The following PITPNM3 variants were observed in gnomAD, a reference collection of about 807,000 sequenced individuals.
The protein encoded by PITPNM3 is membrane-associated phosphatidylinositol transfer protein 3.
A neutral mutation model predicts 102.0 loss-of-function variants in PITPNM3; 26 were observed. The ratio of observed to expected loss-of-function variants is 0.25; its 90% CI spans 0.19 to 0.35. The LOEUF is 0.35. PITPNM3 is among the 10% of genes least tolerant of loss of function. The probability of loss-of-function intolerance (pLI) is 1.00; values close to 1 mark genes in which losing one functional copy is unlikely to be tolerated. For missense variants in PITPNM3, 1,083 were observed against 1,346.1 expected (o/e 0.80, Z 3.06); for synonymous variants, 578 against 558.6 (o/e 1.03, Z -0.49).
chr17:6,534,343 C>G (rs913200520), intron 2 of PITPNM3, among the ~76,000 whole-genome samples: 1 of 152,202 alleles, frequency 6.6e-6, no homozygotes, highest in African/African-American at 2.4e-5. Flanking sequence ...AATACTCCTG[C>G]CTGACTGTTC....
intron 4 of PITPNM3, among the ~76,000 whole-genome samples, chr17:6,489,335 CG>C (rs1418468413): frequency 6.6e-6 from 1 of 152,058 alleles, no homozygotes; most frequent in Non-Finnish European, 1.5e-5. Context: ...TCCCACCCCC[CG>C]TTAGTCACCC....
At position 6,493,107 on chromosome 17, in the gene PITPNM3, T is replaced by A. The variant is rs374904203; in HGVS notation, c.275-8815A>T. ...GTCGGGTCAATGACAAAGACCTAGG[T>A]CATGTGCCCAAGATCAGTCACATGA... On this transcript the variant is annotated intron_variant, in intron 4 of 19. Transcript: ENST00000262483. 3.3e-5 allele frequency among the ~76,000 whole-genome samples: 5 copies of A among 151,768 alleles called. No individual in the cohort carries two copies. In the East Asian group the frequency reaches 9.7e-4, roughly 29 times the overall value.
intron 3 of PITPNM3, among the ~76,000 whole-genome samples, chr17:6,520,071 A>C (rs1403221791): frequency 6.6e-6 from 1 of 152,242 alleles, no homozygotes; most frequent in African/African-American, 2.4e-5. Flanking sequence ...TAAGAAATTC[A>C]GAGGAAAGAA....
intron 4 of PITPNM3, among the ~76,000 whole-genome samples, chr17:6,500,723 T>C (rs1202339362): frequency 6.6e-6 from 1 of 152,034 alleles, no homozygotes; most frequent in Non-Finnish European, 1.5e-5. Flanking sequence ...TTGCCCAGGC[T>C]GGAGTGCAAT....
rs762530328 is a variant in PITPNM3 at position 6,471,332 on chromosome 17, G to GGCA, written c.1452_1453insTGC (p.Ser484_Pro485insCys). 8.1e-6 allele frequency: 13 copies of GGCA among 1,605,004 alleles called. No individual in the cohort carries two copies. The East Asian group carries it at 2.9e-4, about 36-fold the overall frequency. ...CGGGAGCTGCCCTCCAGGAAGAGGG[G>GGCA]GCTGTGGGTGTGTAGGGCATCAGCT... On this transcript the variant is annotated inframe_insertion, in exon 12 of 20. Coordinates refer to ENST00000262483, the MANE Select transcript of PITPNM3 (RefSeq NM_031220.4).
In PITPNM3 at chr17:6,478,997, G is replaced by A. The variant is rs749196967; in HGVS notation, c.588-261C>T. 1.4e-4 allele frequency: 78 copies of A among 541,306 alleles called. No individual in the cohort carries two copies. Among genetic ancestry groups the A allele is most frequent in the Non-Finnish European group, 2.5e-4 (74 of 301,916 alleles). The allele number at this position is 541,306 out of a possible 1,614,324, so 33.5% of individuals were successfully genotyped here. ...TGTGGGCCCTGGGGTCCCTGTGACTGCAGTCTCTATTGCCCTCTTCTGCAT... is the reference window on the plus strand; with the variant it reads ...TGTGGGCCCTGGGGTCCCTGTGACTACAGTCTCTATTGCCCTCTTCTGCAT... On this transcript the variant is annotated intron_variant, in intron 6 of 19. Coordinates refer to ENST00000262483, the MANE Select transcript of PITPNM3 (RefSeq NM_031220.4). The surrounding 1 kb of genome is among the most constrained non-coding windows in gnomAD (Gnocchi z 4.4).
intron 4 of PITPNM3, among the ~76,000 whole-genome samples, chr17:6,495,346 G>C (rs1016309907): frequency 6.6e-6 from 1 of 152,124 alleles, no homozygotes; most frequent in Non-Finnish European, 1.5e-5. Context: ...GGGAAGGTTT[G>C]TGGCAGAGCT....
At chr17:6,497,483 G>A (rs968263716) in intron 4 of PITPNM3, among the ~76,000 whole-genome samples, 14 of 152,220 alleles carry the variant, frequency 9.2e-5, no homozygotes, top group African/African-American at 3.4e-4. Flanking sequence ...TCAGTTGGTG[G>A]CTAGGAGAGA....
intron 3 of PITPNM3, among the ~76,000 whole-genome samples, chr17:6,511,769 G>A (rs557193692): frequency 1.1e-4 from 16 of 152,224 alleles, no homozygotes; most frequent in African/African-American, 2.2e-4. Context: ...GGATCATGAG[G>A]TCAGGAGTTT....
intron 3 of PITPNM3, among the ~76,000 whole-genome samples, chr17:6,521,581 G>A (rs1005323783): frequency 6.6e-6 from 1 of 151,176 alleles, no homozygotes; most frequent in African/African-American, 2.4e-5. Context: ...CACGCTTCTG[G>A]GTGTTCAGCT....
intron 14 of PITPNM3, among the ~76,000 whole-genome samples, chr17:6,465,929 C>G (rs1401367439): frequency 6.6e-6 from 1 of 152,198 alleles, no homozygotes; most frequent in Non-Finnish European, 1.5e-5. Context: ...GAGCTCCTTC[C>G]TCAAAGGCAG....
In PITPNM3 at chr17:6,463,753, G is replaced by A. The variant is rs756069272; in HGVS notation, c.2285C>T (p.Pro762Leu). Residue 762 changes from proline (P) to leucine (L), a missense_variant, in exon 17 of 20, where the codon CCG (proline) becomes CTG (leucine). Coordinates refer to ENST00000262483, the MANE Select transcript of PITPNM3 (RefSeq NM_031220.4). ...TCACCGGACAACATCCACTGCACCC[G>A]GCCGGACCTTGGGGTCGCTTCCCAT... ...SIMGSDPKVR[P>L]GAVDVVRHWQ... 1.9e-6 allele frequency: 3 copies of A among 1,611,710 alleles called. No homozygotes were observed. Among genetic ancestry groups the A allele is most frequent in the East Asian group, 2.2e-5 (1 of 44,842 alleles).
chr17:6,474,784 T>C (rs946237679), intron 9 of PITPNM3, among the ~76,000 whole-genome samples, 180 bp from the exon 10 acceptor site: 3 of 152,242 alleles, frequency 2.0e-5, no homozygotes, highest in African/African-American at 7.2e-5. Context: ...CACCAAGGCC[T>C]GGCTGATATT....
In PITPNM3 at chr17:6,478,631, A is replaced by G; in HGVS notation, c.693T>C (p.Asp231=). The G allele has an allele frequency of 6.2e-7, 1 of 1,614,064 alleles. No homozygotes were observed. The highest frequency in any genetic ancestry group is 8.5e-7 in the Non-Finnish European group (1 of 1,180,000). The part of the protein sequence containing the change: ...LLAISSPQYQ[D]AVATVIERAN... ...CTCGCTCGATGACGGTGGCGACAGC[A>G]TCCTGGTACTGCGGGGAGGAGATGG... The change falls in exon 7 of 20, where the codon GAT becomes GAC. Residue 231 remains aspartate (D), a synonymous_variant. Coordinates refer to ENST00000262483, the MANE Select transcript of PITPNM3 (RefSeq NM_031220.4). This position sits in a 1 kb window ranked among gnomAD's most constrained non-coding sequence, Gnocchi z 4.4.
chr17:6,503,587 A>T lies in PITPNM3; in HGVS notation c.227-13T>A. The T allele has an allele frequency of 1.2e-6, 2 of 1,607,506 alleles. No individual in the cohort carries two copies. Among genetic ancestry groups the T allele is most frequent in the Non-Finnish European group, 1.7e-6 (2 of 1,179,860 alleles). ...GCGGTCCCTTCTCCTGCAGAAAAAG[A>T]AAAGAAACATGAGCAGATCCTTGAC... On this transcript the variant is annotated splice_polypyrimidine_tract_variant and intron_variant, in intron 3 of 19. Transcript: ENST00000262483.
intron 4 of PITPNM3, among the ~76,000 whole-genome samples, chr17:6,498,527 A>G (rs1294886760): frequency 6.6e-6 from 1 of 152,174 alleles, no homozygotes; most frequent in Non-Finnish European, 1.5e-5. Context: ...AGTGGGTGAG[A>G]TGGGAAGCAG....
intron 4 of PITPNM3, among the ~76,000 whole-genome samples, chr17:6,487,002 C>T (rs1447097445): frequency 2.0e-5 from 3 of 152,184 alleles, no homozygotes; most frequent in African/African-American, 7.2e-5. Context: ...CTTTCCACCA[C>T]GTGAACTAGT....
rs1905492122 is a variant in PITPNM3, at chr17:6,478,912, G to A, written c.588-176C>T. The A allele has an allele frequency of 1.5e-6, 1 of 646,048 alleles. No homozygotes were observed. The highest frequency in any genetic ancestry group is 2.0e-5 in the South Asian group (1 of 51,238). The allele number at this position is 646,048 out of a possible 1,614,324, so 40.0% of individuals were successfully genotyped here. On this transcript the variant is annotated intron_variant, in intron 6 of 19. Transcript: ENST00000262483. The surrounding 1 kb of genome is among the most constrained non-coding windows in gnomAD (Gnocchi z 4.4). ...GAGCACAGGCAGTGTGGGGAGGAGAGGGGAAGAGGATTCAAGCCTACACTG... is the reference window on the plus strand; with the variant it reads ...GAGCACAGGCAGTGTGGGGAGGAGAAGGGAAGAGGATTCAAGCCTACACTG...
chr17:6,487,348 G>A (rs1906159015), intron 4 of PITPNM3, among the ~76,000 whole-genome samples: 3 of 152,200 alleles, frequency 2.0e-5, no homozygotes, highest in African/African-American at 7.2e-5. Flanking sequence ...AGAGCAGGGT[G>A]TGGAACACAG....
Sources: allele counts gnomAD v4.1 joint callset (sites outside exome capture counted in the v4.1 genomes callset), GRCh38; gene constraint gnomAD v4.1.1; non-coding constraint Gnocchi (gnomAD v3.1); transcripts MANE v1.5; gene names NCBI Gene and HGNC (gene_info 2026-07-23, HGNC 2026-07-21).